NRG1: variants seen among roughly 807,000 people sequenced by gnomAD.
The protein encoded by NRG1 is neuregulin 1.
In NRG1, 18 loss-of-function variants were observed where a neutral mutation model predicts 63.8. That is an observed-to-expected ratio of 0.28 (90% CI 0.19 to 0.42). NRG1 has a LOEUF of 0.42. Among genes scored for constraint, NRG1 ranks in the 10% least tolerant of loss-of-function variants. NRG1 has a pLI of 1.00. For synonymous variants in NRG1, 302 were observed against 301.3 expected, an observed-to-expected ratio of 1.00 and a Z score of -0.02; for missense variants, 762 against 814.7, an observed-to-expected ratio of 0.94 and a Z score of 0.79.
At chr8:32,718,142 G>A (rs13261621) in intron 5 of NRG1, among the ~76,000 whole-genome samples, 1 of 152,140 alleles carries the variant, frequency 6.6e-6, no homozygotes, top group Non-Finnish European at 1.5e-5. Flanking sequence ...AGACGTTTTA[G>A]TGTTACCGGT....
At chr8:32,186,950 A>G (rs1247034618) in intron 1 of NRG1, among the ~76,000 whole-genome samples, 2 of 152,180 alleles carry the variant, frequency 1.3e-5, no homozygotes, top group Non-Finnish European at 2.9e-5. Context: ...GCTAAATCAT[A>G]GACTTCCCCC....
chr8:32,008,440 C>G (rs1020093335), intron 1 of NRG1, among the ~76,000 whole-genome samples: 1 of 151,990 alleles, frequency 6.6e-6, no homozygotes, highest in Admixed American at 6.6e-5. Context: ...AAAAAAATTG[C>G]TTTGCTTGGA....
intron 1 of NRG1, among the ~76,000 whole-genome samples, chr8:31,928,647 T>TACAC (rs146349017): frequency 0.037 from 5,410 of 146,264 alleles, 114 homozygotes; most frequent in Middle Eastern, 0.054. Context: ...TATATATATA[T>TACAC]ATACACACAC....
intron 1 of NRG1, among the ~76,000 whole-genome samples, chr8:31,939,511 AAAAC>A (rs1271615666): frequency 4.6e-5 from 7 of 152,080 alleles, no homozygotes; most frequent in Non-Finnish European, 1.0e-4. Context: ...ATGAAAAAAA[AAAAC>A]CCAACTTATT....
Position 31,931,256 on chromosome 8 carries a change from C to T in NRG1, c.37+291825C>T, listed in dbSNP as rs1029246632. Among the ~76,000 whole-genome samples the T allele has an allele frequency of 7.2e-5, 11 of 152,008 alleles. No homozygotes were observed. The East Asian group carries it at 1.9e-3, about 27-fold the overall frequency. Reference sequence around the variant, plus strand: ...TTGTTTTTAATTGGATGATTGCTACCATATACTTCTCTTTTGGTGGGATCC... The same window carrying T: ...TTGTTTTTAATTGGATGATTGCTACTATATACTTCTCTTTTGGTGGGATCC... On this transcript the variant is annotated intron_variant, in intron 1 of 10. Transcript: ENST00000519301.
intron 1 of NRG1, among the ~76,000 whole-genome samples, chr8:32,083,490 A>G (rs1827788346): frequency 6.6e-6 from 1 of 152,150 alleles, no homozygotes; most frequent in Non-Finnish European, 1.5e-5. Flanking sequence ...AATGTGGCAT[A>G]TTTTATCTCA....
At chr8:31,813,554 C>T (rs1164228921) in intron 1 of NRG1, among the ~76,000 whole-genome samples, 1 of 76,192 alleles carries the variant, frequency 1.3e-5, no homozygotes, top group Non-Finnish European at 3.5e-5. Context: ...ACAGGTCTCC[C>T]TCTGTCTTCC....
At chr8:31,757,645 C>T (rs1263413607) in intron 1 of NRG1, among the ~76,000 whole-genome samples, 3 of 151,984 alleles carry the variant, frequency 2.0e-5, no homozygotes, top group African/African-American at 7.2e-5. Context: ...TTATACTTTC[C>T]TCAGTTTATG....
chr8:32,260,793 G>A (rs569006756), intron 1 of NRG1, among the ~76,000 whole-genome samples: 2 of 152,162 alleles, frequency 1.3e-5, no homozygotes, highest in South Asian at 4.1e-4. Flanking sequence ...TATGGCCTTC[G>A]GCACCCACTG....
chr8:32,246,874 T>C (rs1228838997), intron 1 of NRG1, among the ~76,000 whole-genome samples: 1 of 151,714 alleles, frequency 6.6e-6, no homozygotes, highest in African/African-American at 2.4e-5. Flanking sequence ...GGAATCTGTT[T>C]TTGTTTTTTG....
intron 1 of NRG1, among the ~76,000 whole-genome samples, chr8:32,118,805 T>C (rs947231340): frequency 1.3e-5 from 2 of 152,058 alleles, no homozygotes; most frequent in Non-Finnish European, 2.9e-5. Flanking sequence ...TTCTGTGGTG[T>C]TGTTTCACCG....
At chr8:32,747,567 A>C (rs908121244) in intron 7 of NRG1, among the ~76,000 whole-genome samples, 1 of 152,148 alleles carries the variant, frequency 6.6e-6, no homozygotes, top group South Asian at 2.1e-4. Context: ...CAACCAAGTT[A>C]ATCGTAACTA....
chr8:31,888,722 T>A (rs1266928819), intron 1 of NRG1, among the ~76,000 whole-genome samples: 1 of 152,046 alleles, frequency 6.6e-6, no homozygotes, highest in African/African-American at 2.4e-5. Context: ...TAATACGATA[T>A]ATTTGAATCA....
chr8:31,840,925 T>C (rs557451915), intron 1 of NRG1, among the ~76,000 whole-genome samples: 3 of 152,222 alleles, frequency 2.0e-5, no homozygotes, highest in African/African-American at 7.2e-5. Flanking sequence ...TTTTTCTTAG[T>C]TTGGGTTTAG....
intron 1 of NRG1, among the ~76,000 whole-genome samples, chr8:32,530,045 G>A (rs562898183): frequency 8.5e-5 from 13 of 152,248 alleles, no homozygotes; most frequent in African/African-American, 3.1e-4. Flanking sequence ...CCACAAACAC[G>A]AGTAATGTGT....
intron 1 of NRG1, among the ~76,000 whole-genome samples, chr8:31,720,636 GTTTGTT>G (rs1301557325): frequency 5.9e-5 from 9 of 152,046 alleles, no homozygotes; most frequent in African/African-American, 1.9e-4. Context: ...TTGTTTGTTT[GTTTGTT>G]TTTGTTTTTG....
chr8:31,899,109 C>T (rs1831853107), intron 1 of NRG1, among the ~76,000 whole-genome samples: 1 of 147,562 alleles, frequency 6.8e-6, no homozygotes, highest in Non-Finnish European at 1.5e-5. Context: ...TTTAAGTTTC[C>T]TTTTTTTTTT....
At chr8:31,860,969 A>G (rs1343795715) in intron 1 of NRG1, among the ~76,000 whole-genome samples, 1 of 152,182 alleles carries the variant, frequency 6.6e-6, no homozygotes, top group Non-Finnish European at 1.5e-5. Flanking sequence ...AGAGAGGTTA[A>G]ATGACTGTTT....
At chr8:31,956,588 C>A (rs1271769508) in intron 1 of NRG1, among the ~76,000 whole-genome samples, 1 of 152,054 alleles carries the variant, frequency 6.6e-6, no homozygotes, top group Non-Finnish European at 1.5e-5. Context: ...CGTGCCACTG[C>A]ACTCCAGTCT....
Sources: allele counts gnomAD v4.1 joint callset (sites outside exome capture counted in the v4.1 genomes callset), GRCh38; gene constraint gnomAD v4.1.1; transcripts MANE v1.5; gene names NCBI Gene and HGNC (gene_info 2026-07-23, HGNC 2026-07-21).